Variants in HSPB8 observed in about 807,000 individuals in gnomAD.
The protein encoded by HSPB8 is heat shock protein family B (small) member 8.
A neutral mutation model predicts 16.5 loss-of-function variants in HSPB8; 9 were observed. The observed-to-expected ratio is 0.55, with a 90% CI of 0.33 to 0.95. HSPB8 has a LOEUF of 0.95. HSPB8 is among the 40% of genes least tolerant of loss of function. HSPB8 has a pLI of 0.03. For synonymous variants in HSPB8, 99 were observed against 94.8 expected (o/e 1.04, Z -0.26); for missense variants, 238 against 251.2 (o/e 0.95, Z 0.35).
intron 1 of HSPB8, chr12:119,186,722 A>G: frequency 3.0e-6 from 1 of 331,630 alleles, no homozygotes; most frequent in Non-Finnish European, 5.8e-6. Context: ...CACATGGAAG[A>G]TTTGGTACAA....
At chr12:119,192,941 C>T (rs1307809830) in intron 2 of HSPB8, among the ~76,000 whole-genome samples, 1 of 152,072 alleles carries the variant, frequency 6.6e-6, no homozygotes, top group African/African-American at 2.4e-5. Flanking sequence ...ACCATGAGAA[C>T]AGTATGGAGG....
At chr12:119,182,107 A>G (rs1954641831) in intron 1 of HSPB8, 1 of 152,174 alleles carries the variant, frequency 6.6e-6, no homozygotes, top group Non-Finnish European at 1.5e-5. Flanking sequence ...TGGCAGCTCC[A>G]TGTTGAGATC....
intron 1 of HSPB8, among the ~76,000 whole-genome samples, chr12:119,185,861 A>G (rs11064699): frequency 0.11 from 15,980 of 152,176 alleles, 1,178 homozygotes; most frequent in East Asian, 0.22. Flanking sequence ...GTAATTAGCT[A>G]TAAGTTGTCA....
rs147943825 is a variant in HSPB8 at position 119,187,224 on chromosome 12, C to A, written c.431+136C>A. 260 of 727,456 alleles carry A rather than the reference C, an allele frequency of 3.6e-4. No homozygotes were observed. The East Asian group carries it at 4.6e-3, about 13-fold the overall frequency. 45.1% of individuals were successfully genotyped at this position (727,456 alleles called of 1,614,324 possible). ...CTTGGGGCAGGGAATTGAACCCTCACACCTAACGAGGAGAAAATATCCCAG... is the reference window on the plus strand; with the variant it reads ...CTTGGGGCAGGGAATTGAACCCTCAAACCTAACGAGGAGAAAATATCCCAG... On this transcript the variant is annotated intron_variant, in intron 2 of 2. Coordinates refer to ENST00000281938, the MANE Select transcript of HSPB8 (RefSeq NM_014365.3).
Position 119,186,919 on chromosome 12 carries a change from T to C in HSPB8, c.368-106T>C, listed in dbSNP as rs113181286. On this transcript the variant is annotated intron_variant, in intron 1 of 2. Transcript: ENST00000281938. ...CTAGAGTCTCTAGGGTAGGCCTAAG[T>C]CACACAGCAAGGCAGGTCCAGGGCC... 7,048 of 1,052,012 alleles carry C rather than the reference T, an allele frequency of 6.7e-3. 310 individuals carry two copies. The African/African-American group carries it at 0.098, about 15-fold the overall frequency. The allele number at this position is 1,052,012 out of a possible 1,614,324, so 65.2% of individuals were successfully genotyped here.
intron 1 of HSPB8, among the ~76,000 whole-genome samples, chr12:119,184,466 G>T (rs1200614450): frequency 6.6e-6 from 1 of 152,174 alleles, no homozygotes; most frequent in East Asian, 1.9e-4. Flanking sequence ...GGGGAAGCAG[G>T]TCTCCCGGCG....
At position 119,186,884 on chromosome 12, in the gene HSPB8, GCTTAGATAA is replaced by G. The variant is rs1044210850; in HGVS notation, c.368-138_368-130del. 1.1e-4 allele frequency: 89 copies of G among 784,912 alleles called. No homozygotes were observed. In the African/African-American group the frequency reaches 1.5e-3, roughly 13 times the overall value. 48.6% of individuals were successfully genotyped at this position (784,912 alleles called of 1,614,324 possible). A position where few individuals can be genotyped will look rare whatever the true frequency, so the allele number is the denominator to read the frequency against. On this transcript the variant is annotated intron_variant, in intron 1 of 2. Transcript: ENST00000281938. ...CTGTATGGCAGACAAGGTCCTTGAGGCTTAGATAACTAGAGTCTCTAGGGTAGGCCTAAG... is the reference window on the plus strand; with the variant it reads ...CTGTATGGCAGACAAGGTCCTTGAGGCTAGAGTCTCTAGGGTAGGCCTAAG...
At chr12:119,186,995 G>C (rs374550471) in intron 1 of HSPB8, 30 bp from the exon 2 acceptor site, 1 of 1,610,408 alleles carries the variant, frequency 6.2e-7, no homozygotes, top group African/African-American at 1.3e-5. Flanking sequence ...GAACATAGAT[G>C]CTGACACGCC....
chr12:119,191,803 G>A (rs1392931618), intron 2 of HSPB8, among the ~76,000 whole-genome samples: 1 of 152,124 alleles, frequency 6.6e-6, no homozygotes, highest in African/African-American at 2.4e-5. Context: ...GGGGAGGCAG[G>A]AGAGCATCAT....
At chr12:119,185,408 A>G (rs1430151106) in intron 1 of HSPB8, among the ~76,000 whole-genome samples, 1 of 152,100 alleles carries the variant, frequency 6.6e-6, no homozygotes, top group Non-Finnish European at 1.5e-5. Context: ...ATCTCGCCTC[A>G]CTGCAACCTC....
intron 2 of HSPB8, among the ~76,000 whole-genome samples, chr12:119,190,384 C>T (rs1340132853): frequency 6.6e-6 from 1 of 152,192 alleles, no homozygotes; most frequent in African/African-American, 2.4e-5. Context: ...TGGAGATTTC[C>T]ACCCAGGCAG....
At position 119,179,034 on chromosome 12, in the gene HSPB8, G is replaced by A. The variant is rs1319538607; in HGVS notation, c.-279G>A. On this transcript the variant is annotated 5_prime_UTR_variant, in exon 1 of 3. Coordinates refer to ENST00000281938, the MANE Select transcript of HSPB8 (RefSeq NM_014365.3). ...CAGCCTGGGCAGCCTGGGAAGCCTG[G>A]GAGGACGGTGGCTTGCCGGTCTGTC... 1 of 527,346 alleles carries A rather than the reference G, an allele frequency of 1.9e-6. No individual in the cohort carries two copies. Among genetic ancestry groups the A allele is most frequent in the South Asian group, 2.0e-5 (1 of 49,036 alleles). The allele number at this position is 527,346 out of a possible 1,614,324, so 32.7% of individuals were successfully genotyped here.
At chr12:119,193,332 T>C (rs1954723802) in intron 2 of HSPB8, among the ~76,000 whole-genome samples, 1 of 152,182 alleles carries the variant, frequency 6.6e-6, no homozygotes, top group Non-Finnish European at 1.5e-5. Context: ...TTGTGGTCAG[T>C]AGTGGGTATT....
intron 1 of HSPB8, among the ~76,000 whole-genome samples, chr12:119,180,739 C>T (rs1049758426): frequency 1.1e-4 from 17 of 152,212 alleles, no homozygotes; most frequent in African/African-American, 4.1e-4. Flanking sequence ...CTGATTAACA[C>T]TCCATTAAAA....
chr12:119,184,586 T>C (rs1483130595), intron 1 of HSPB8, among the ~76,000 whole-genome samples: 1 of 152,214 alleles, frequency 6.6e-6, no homozygotes, highest in African/African-American at 2.4e-5. Context: ...AGGTAGACTC[T>C]TTAAGCGGCC....
At chr12:119,188,900 A>G (rs754201700) in intron 2 of HSPB8, among the ~76,000 whole-genome samples, 3 of 152,172 alleles carry the variant, frequency 2.0e-5, no homozygotes, top group Admixed American at 6.5e-5. Context: ...TAACTTTTCC[A>G]TCAGCCTTTG....
intron 1 of HSPB8, chr12:119,182,975 C>T (rs1954649027): frequency 1.3e-5 from 2 of 152,166 alleles, no homozygotes; most frequent in Non-Finnish European, 2.9e-5. Flanking sequence ...GGCGGTGTGG[C>T]CCTGAGCAAA....
rs1389922413 is a variant in HSPB8, at chr12:119,193,920, T to C, written c.*62T>C. 2.2e-5 allele frequency: 34 copies of C among 1,557,716 alleles called. No individual in the cohort carries two copies. Among genetic ancestry groups the C allele is most frequent in the Non-Finnish European group, 3.0e-5 (34 of 1,130,242 alleles). ...CCCTAGGGCTTCTCTGATTCCAGGA[T>C]ACATTACTTTAGCTGAACTCAGATT... On this transcript the variant is annotated 3_prime_UTR_variant, in exon 3 of 3. Transcript: ENST00000281938.
At chr12:119,187,842 C>G (rs1210895046) in intron 2 of HSPB8, among the ~76,000 whole-genome samples, 1 of 152,092 alleles carries the variant, frequency 6.6e-6, no homozygotes, top group Admixed American at 6.5e-5. Flanking sequence ...CAGCCTCTGC[C>G]CTGCCAGGAA....
Sources: gnomAD v4.1 joint callset for allele counts (sites outside exome capture counted in the v4.1 genomes callset) on GRCh38, gnomAD v4.1.1 for gene constraint, MANE v1.5 for transcripts, NCBI Gene and HGNC (gene_info 2026-07-23, HGNC 2026-07-21) for gene names.